The following FSTL5 variants were observed in gnomAD, a reference collection of about 807,000 sequenced individuals.
FSTL5 encodes the protein follistatin like 5, also known as follistatin-related protein 5.
Under a neutral mutation model 89.1 loss-of-function variants are expected in FSTL5, and 62 were observed. The observed-to-expected ratio is 0.70, with a 90% CI of 0.57 to 0.86. The LOEUF is 0.86. Ranked by LOEUF, FSTL5 falls within the 40% of genes least tolerant of loss-of-function variation. FSTL5 has a pLI of 0.00. For missense variants in FSTL5, 1,057 were observed against 1,001.6 expected (o/e 1.06, Z -0.75); for synonymous variants, 383 against 346.2 (o/e 1.11, Z -1.18).
intron 4 of FSTL5, among the ~76,000 whole-genome samples, chr4:161,799,622 T>C (rs894681966): frequency 5.3e-5 from 8 of 151,652 alleles, no homozygotes; most frequent in Non-Finnish European, 1.2e-4. Flanking sequence ...GAAAGCAAGA[T>C]CTAATGTATA....
At chr4:161,816,117 G>A (rs1486355678) in intron 4 of FSTL5, among the ~76,000 whole-genome samples, 1 of 152,072 alleles carries the variant, frequency 6.6e-6, no homozygotes, top group Non-Finnish European at 1.5e-5. Context: ...AGCTAAATCA[G>A]GCAGATGAAC....
intron 11 of FSTL5, among the ~76,000 whole-genome samples, chr4:161,502,455 GTTT>G (rs544378786): frequency 6.6e-6 from 1 of 151,754 alleles, no homozygotes; most frequent in Non-Finnish European, 1.5e-5. Context: ...TCAAGATTTA[GTTT>G]TTTATTTGAC....
At chr4:161,729,289 A>G (rs1320407373) in intron 6 of FSTL5, among the ~76,000 whole-genome samples, 1 of 152,186 alleles carries the variant, frequency 6.6e-6, no homozygotes, top group African/African-American at 2.4e-5. Flanking sequence ...AACCTTCATT[A>G]TTAGAACCCC....
At chr4:161,857,677 A>G (rs1329863804) in intron 4 of FSTL5, among the ~76,000 whole-genome samples, 1 of 152,172 alleles carries the variant, frequency 6.6e-6, no homozygotes, top group Non-Finnish European at 1.5e-5. Context: ...CCCCACTATG[A>G]AAACTCCAGA....
At chr4:161,491,422 A>C (rs1729868922) in intron 12 of FSTL5, among the ~76,000 whole-genome samples, 1 of 152,006 alleles carries the variant, frequency 6.6e-6, no homozygotes, top group African/African-American at 2.4e-5. Flanking sequence ...CTAGATACAT[A>C]GATTTTTAAA....
At chr4:161,906,183 C>T (rs781239077) in intron 4 of FSTL5, among the ~76,000 whole-genome samples, 71 of 151,860 alleles carry the variant, frequency 4.7e-4, no homozygotes, top group Admixed American at 8.5e-4. Context: ...TTATAAGAAA[C>T]CAGTTGGAAT....
intron 6 of FSTL5, among the ~76,000 whole-genome samples, chr4:161,670,871 C>T (rs1302232037): frequency 2.6e-5 from 4 of 152,126 alleles, no homozygotes; most frequent in African/African-American, 9.7e-5. Context: ...TAATCAAAAT[C>T]ACAGGATACC....
chr4:162,110,291 A>T (rs2111404891), intron 2 of FSTL5, among the ~76,000 whole-genome samples: 1 of 152,112 alleles, frequency 6.6e-6, no homozygotes, highest in Non-Finnish European at 1.5e-5. Context: ...TCTTCATAAG[A>T]TTGCTTTGAA....
intron 3 of FSTL5, among the ~76,000 whole-genome samples, chr4:162,018,359 T>C (rs1736977594): frequency 6.6e-6 from 1 of 152,166 alleles, no homozygotes; most frequent in African/African-American, 2.4e-5. Context: ...CCAAACAGCA[T>C]AAGTTTTACA....
intron 3 of FSTL5, among the ~76,000 whole-genome samples, chr4:162,001,960 T>C (rs1440039120): frequency 6.6e-6 from 1 of 152,172 alleles, no homozygotes; most frequent in African/African-American, 2.4e-5. Flanking sequence ...AATATAAGGT[T>C]GCAAGGTAAG....
chr4:161,507,725 A>C (rs1176560127), intron 11 of FSTL5, among the ~76,000 whole-genome samples: 3 of 151,960 alleles, frequency 2.0e-5, no homozygotes, highest in African/African-American at 7.2e-5. Context: ...TTGGTAAGAT[A>C]ATACATATTA....
At position 161,752,334 on chromosome 4, in the gene FSTL5, G is replaced by A. The variant is rs554651341; in HGVS notation, c.727+7077C>T. Among the ~76,000 whole-genome samples the A allele has an allele frequency of 1.6e-4, 24 of 152,048 alleles. No individual in the cohort carries two copies. The East Asian group carries it at 3.1e-3, about 20-fold the overall frequency. ...TCCATCCCATTCCTTTTCCTTTCTCGCAAAGGCTACCATCATATTAATTCT... is the reference window on the plus strand; with the variant it reads ...TCCATCCCATTCCTTTTCCTTTCTCACAAAGGCTACCATCATATTAATTCT... On this transcript the variant is annotated intron_variant, in intron 6 of 15. Transcript: ENST00000306100.
chr4:162,044,652 AGGAGG>A (rs1738103732), intron 2 of FSTL5, among the ~76,000 whole-genome samples: 1 of 152,200 alleles, frequency 6.6e-6, no homozygotes, highest in Non-Finnish European at 1.5e-5. Context: ...TTGTTTTCAT[AGGAGG>A]TTGTTTCGTC....
chr4:161,891,226 C>T (rs1732978568), intron 4 of FSTL5, among the ~76,000 whole-genome samples: 1 of 152,032 alleles, frequency 6.6e-6, no homozygotes, highest in Non-Finnish European at 1.5e-5. Context: ...TGTTTTAACT[C>T]ATTCACTGTT....
chr4:162,012,454 T>C (rs1325307337), intron 3 of FSTL5, among the ~76,000 whole-genome samples: 1 of 152,156 alleles, frequency 6.6e-6, no homozygotes, highest in Non-Finnish European at 1.5e-5. Flanking sequence ...TATTACTGAA[T>C]AGAAAATTAC....
At chr4:161,500,249 T>C (rs1043381490) in intron 11 of FSTL5, 115 bp from the exon 12 acceptor site, 2 of 641,704 alleles carry the variant, frequency 3.1e-6, no homozygotes, top group Non-Finnish European at 5.3e-6. Flanking sequence ...AGTTGTGTAA[T>C]GTTAATAAAG....
At chr4:161,853,035 T>G (rs886653966) in intron 4 of FSTL5, among the ~76,000 whole-genome samples, 3 of 152,240 alleles carry the variant, frequency 2.0e-5, no homozygotes, top group Admixed American at 6.5e-5. Flanking sequence ...TGCCTTGTTC[T>G]TCTCTCACAT....
chr4:161,772,689 T>C (rs977017974), intron 5 of FSTL5, among the ~76,000 whole-genome samples: 1 of 152,110 alleles, frequency 6.6e-6, no homozygotes, highest in African/African-American at 2.4e-5. Flanking sequence ...CTGAAAAACA[T>C]CATAGAAGAC....
chr4:161,977,520 G>A (rs1198202644), intron 3 of FSTL5, among the ~76,000 whole-genome samples: 2 of 150,262 alleles, frequency 1.3e-5, no homozygotes, highest in African/African-American at 4.9e-5. Context: ...GGCTGAGGCA[G>A]AAGAATGGCG....
Sources: gnomAD v4.1 joint callset for allele counts (sites outside exome capture counted in the v4.1 genomes callset) on GRCh38, gnomAD v4.1.1 for gene constraint, MANE v1.5 for transcripts, NCBI Gene and HGNC (gene_info 2026-07-23, HGNC 2026-07-21) for gene names.